LINGO3: variants seen among roughly 807,000 people sequenced by gnomAD.
The protein encoded by LINGO3 is leucine-rich repeat and immunoglobulin-like domain-containing nogo receptor-interacting protein 3.
For synonymous variants in LINGO3, 427 were observed against 444.2 expected, an observed-to-expected ratio of 0.96 and a Z score of 0.49; for missense variants, 750 against 867.7, an observed-to-expected ratio of 0.86 and a Z score of 1.70.
chr19:2,293,795 G>T (rs1489806009), upstream of LINGO3, among the ~76,000 whole-genome samples: 1 of 151,522 alleles, frequency 6.6e-6, no homozygotes, highest in South Asian at 2.1e-4. Context: ...GCTCACGCCT[G>T]TAAATCCAGC....
chr19:2,294,026 T>C (rs953260546), upstream of LINGO3, among the ~76,000 whole-genome samples: 2 of 151,938 alleles, frequency 1.3e-5, no homozygotes, highest in East Asian at 1.9e-4. This position sits in a 1 kb window ranked among gnomAD's most constrained non-coding sequence, Gnocchi z 4.3. Flanking sequence ...CTCTAGCCAC[T>C]GGGCAACAGA....
At chr19:2,300,425 C>T in the LINGO3 span, among the ~76,000 whole-genome samples, 1 of 151,950 alleles carries the variant, frequency 6.6e-6, no homozygotes, top group South Asian at 2.1e-4. Flanking sequence ...CTATCTCCAT[C>T]CTCATCGGTC....
chr19:2,302,351 A>C, the LINGO3 span, among the ~76,000 whole-genome samples: 6,228 of 152,114 alleles, frequency 0.041, 440 homozygotes, highest in African/African-American at 0.14. Flanking sequence ...CCTGAGCCAC[A>C]ATGCCCGGCC....
At chr19:2,302,219 G>A in the LINGO3 span, among the ~76,000 whole-genome samples, 1 of 151,576 alleles carries the variant, frequency 6.6e-6, no homozygotes, top group Non-Finnish European at 1.5e-5. Context: ...GCGCCACTAC[G>A]CCCAGCTAAT....
downstream of LINGO3, chr19:2,289,660 C>A (rs773638774): frequency 1.2e-3 from 338 of 286,220 alleles, 1 homozygote; most frequent in Non-Finnish European, 1.7e-3. Flanking sequence ...ATTGCGGGCC[C>A]TGAGGATCCT....
chr19:2,299,124 G>A, the LINGO3 span, among the ~76,000 whole-genome samples: 1 of 152,116 alleles, frequency 6.6e-6, no homozygotes, highest in Non-Finnish European at 1.5e-5. Flanking sequence ...CTGATCCCTC[G>A]CGCCCAGCAG....
rs535665232 is a variant in LINGO3 at position 2,291,993 on chromosome 19, C to T, written c.-217G>A. On this transcript the variant is annotated 5_prime_UTR_variant, in exon 1 of 1. Coordinates refer to ENST00000585527, the Ensembl canonical transcript of LINGO3. ...CTTGAGTTCAAGAGTTCGAGACCAG[C>T]CTGCACAACATAGCAAGACTCCCAT... is the stretch of plus-strand genomic sequence containing the variant. The T allele has an allele frequency of 3.3e-4, 193 of 581,830 alleles. 1 individual carries two copies. The African/African-American group carries it at 3.4e-3, about 10-fold the overall frequency. 36.0% of individuals were successfully genotyped at this position (581,830 alleles called of 1,614,324 possible).
downstream of LINGO3, among the ~76,000 whole-genome samples, chr19:2,287,229 G>A (rs534757799): frequency 2.6e-5 from 4 of 152,042 alleles, no homozygotes; most frequent in Non-Finnish European, 4.4e-5. This position sits in a 1 kb window ranked among gnomAD's most constrained non-coding sequence, Gnocchi z 4.5. Flanking sequence ...AGGGGTGGGG[G>A]TGCTGAGGGG....
chr19:2,301,755 G>A, the LINGO3 span, among the ~76,000 whole-genome samples: 2 of 151,618 alleles, frequency 1.3e-5, no homozygotes, highest in African/African-American at 4.8e-5. Context: ...GTGAAACCCC[G>A]TCTCTACTAA....
At chr19:2,302,591 G>C in the LINGO3 span, among the ~76,000 whole-genome samples, 1 of 152,026 alleles carries the variant, frequency 6.6e-6, no homozygotes, top group Non-Finnish European at 1.5e-5. Flanking sequence ...CACCAGGCCC[G>C]GACTGCCCGT....
In LINGO3 at chr19:2,290,221, C is replaced by T. The variant is rs781655774; in HGVS notation, c.1556G>A (p.Arg519His). The change falls in exon 1 of 1, where the codon CGC becomes CAC. Residue 519 changes from arginine to histidine, a missense_variant. By Grantham distance (29) the Arg-to-His change is conservative (BLOSUM62 0). Coordinates refer to ENST00000585527, the Ensembl canonical transcript of LINGO3. The surrounding 1 kb of genome is among the most constrained non-coding windows in gnomAD (Gnocchi z 6.0). ...GATGGTGGTGAGGTCGAGCGGCGCG[C>T]GCAGGGCCGCCAGCGTCTCGTTGTG... The T allele has an allele frequency of 3.1e-6, 5 of 1,606,518 alleles. No individual in the cohort carries two copies. The highest frequency in any genetic ancestry group is 4.2e-6 in the Non-Finnish European group (5 of 1,177,888).
upstream of LINGO3, among the ~76,000 whole-genome samples, chr19:2,294,852 C>G (rs1224645257): frequency 6.6e-6 from 1 of 152,136 alleles, no homozygotes; most frequent in African/African-American, 2.4e-5. This position sits in a 1 kb window ranked among gnomAD's most constrained non-coding sequence, Gnocchi z 4.3. Context: ...GCAGCCAGAA[C>G]TACCAGGCGG....
At chr19:2,301,131 T>C in the LINGO3 span, among the ~76,000 whole-genome samples, 1 of 152,080 alleles carries the variant, frequency 6.6e-6, no homozygotes, top group Non-Finnish European at 1.5e-5. Flanking sequence ...CTGTGCACGT[T>C]GAAATCCACG....
At chr19:2,291,557 G>C (rs778754172) in exon 1 of LINGO3, 2 of 1,588,376 alleles carry the variant, frequency 1.3e-6, no homozygotes, top group Non-Finnish European at 1.7e-6. Context: ...AGCGCGGCCA[G>C]GTCGCCCGGG....
At chr19:2,296,964 C>T (rs1033727781), upstream of LINGO3, among the ~76,000 whole-genome samples, 19 of 151,502 alleles carry the variant, frequency 1.3e-4, 1 homozygote, top group Admixed American at 6.6e-4. Flanking sequence ...TGGTGGCGGG[C>T]GCCCGTAGTC....
rs769609907 is a variant in LINGO3, at chr19:2,290,284, C to T, written c.1493G>A (p.Arg498His). 1 of 1,587,036 alleles carries T rather than the reference C, an allele frequency of 6.3e-7. No individual in the cohort carries two copies. Among genetic ancestry groups the T allele is most frequent in the Non-Finnish European group, 8.5e-7 (1 of 1,171,602 alleles). Residue 498 changes from arginine to histidine, a missense_variant, in exon 1 of 1, where the codon CGC becomes CAC. Physicochemically the swap from Arg to His is conservative, Grantham distance 29. Coordinates refer to ENST00000585527, the Ensembl canonical transcript of LINGO3. This position sits in a 1 kb window ranked among gnomAD's most constrained non-coding sequence, Gnocchi z 6.0. ...GGTCCGGTTGGCGGCCGGCTCGGGG[C>T]GCACGGTCAGCGTGGCGAAGTAGGT...
At chr19:2,306,764 C>T in the LINGO3 span, among the ~76,000 whole-genome samples, 4 of 152,246 alleles carry the variant, frequency 2.6e-5, no homozygotes, top group Non-Finnish European at 5.9e-5. Context: ...CCCATCCCAC[C>T]GCCCGGCTGC....
Position 2,289,855 on chromosome 19 carries a change from G to C in LINGO3, c.*143C>G, listed in dbSNP as rs1292858245. ...GCATGCTGATGAAAAACAGTCCTGC[G>C]GTTGGGCGTCTACAAAAAAAGGGGA... On this transcript the variant is annotated 3_prime_UTR_variant, in exon 1 of 1. Transcript: ENST00000585527. 3 of 649,838 alleles carry C rather than the reference G, an allele frequency of 4.6e-6. No individual in the cohort carries two copies. The Admixed American group carries it at 9.3e-5, about 20-fold the overall frequency. 40.3% of individuals were successfully genotyped at this position (649,838 alleles called of 1,614,324 possible). A position where few individuals can be genotyped will look rare whatever the true frequency, so the allele number is the denominator to read the frequency against.
upstream of LINGO3, among the ~76,000 whole-genome samples, chr19:2,293,195 A>G (rs1016326397): frequency 6.6e-5 from 10 of 150,792 alleles, no homozygotes; most frequent in South Asian, 2.1e-4. Context: ...CTCCCGAGTA[A>G]CTGGGGCTAC....
Sources: allele counts gnomAD v4.1 joint callset (sites outside exome capture counted in the v4.1 genomes callset), GRCh38; gene constraint gnomAD v4.1.1; non-coding constraint Gnocchi (gnomAD v3.1); transcripts MANE v1.5; gene names NCBI Gene and HGNC (gene_info 2026-07-23, HGNC 2026-07-21).